Variants in CORO2B observed in about 807,000 individuals in gnomAD.
CORO2B encodes coronin-2B.
Under a neutral mutation model 58.8 loss-of-function variants are expected in CORO2B, and 26 were observed. The observed-to-expected ratio is 0.44, with a 90% CI of 0.32 to 0.61. CORO2B has a LOEUF of 0.61. CORO2B is among the 20% of genes least tolerant of loss of function. The pLI is 0.04. For synonymous variants in CORO2B, 242 were observed against 253.8 expected, an observed-to-expected ratio of 0.95 and a Z score of 0.44; for missense variants, 460 against 645.1, an observed-to-expected ratio of 0.71 and a Z score of 3.11.
chr15:68,523,389 G>T, the CORO2B span, among the ~76,000 whole-genome samples: 1 of 151,956 alleles, frequency 6.6e-6, no homozygotes, highest in East Asian at 1.9e-4. Context: ...AGAGATGGGG[G>T]TCTCCCTATG....
At chr15:68,553,593 T>C in the CORO2B span, among the ~76,000 whole-genome samples, 1 of 152,232 alleles carries the variant, frequency 6.6e-6, no homozygotes, top group Non-Finnish European at 1.5e-5. Context: ...GAGAGTAAGT[T>C]TGTGCTATTT....
chr15:68,605,779 G>A (rs951867205), intron 1 of CORO2B, among the ~76,000 whole-genome samples: 4 of 142,200 alleles, frequency 2.8e-5, no homozygotes, highest in Non-Finnish European at 6.0e-5. Flanking sequence ...CGGGAGTGCA[G>A]TGGCGCAATA....
chr15:68,582,624 C>T (rs1351121720), intron 1 of CORO2B, among the ~76,000 whole-genome samples: 1 of 152,206 alleles, frequency 6.6e-6, no homozygotes, highest in Non-Finnish European at 1.5e-5. Context: ...ACTGGAAAAG[C>T]AGAGGACAAG....
chr15:68,659,242 G>T (rs1433941818), intron 2 of CORO2B, among the ~76,000 whole-genome samples: 1 of 152,108 alleles, frequency 6.6e-6, no homozygotes, highest in African/African-American at 2.4e-5. Context: ...GAGTGTGAGG[G>T]ATAAGGGCGC....
chr15:68,638,450 G>A (rs1901105479), intron 1 of CORO2B, among the ~76,000 whole-genome samples: 1 of 152,172 alleles, frequency 6.6e-6, no homozygotes, highest in African/African-American at 2.4e-5. Context: ...ATTCAGACAG[G>A]TTGAGTAGGT....
intron 2 of CORO2B, among the ~76,000 whole-genome samples, chr15:68,660,976 C>CTTTT (rs57270255): frequency 6.8e-5 from 10 of 147,216 alleles, no homozygotes; most frequent in African/African-American, 1.5e-4. Context: ...TGTAATGAGT[C>CTTTT]TTTTTTTTTT....
intron 1 of CORO2B, among the ~76,000 whole-genome samples, chr15:68,586,035 G>A (rs1566978103): frequency 6.6e-6 from 1 of 152,158 alleles, no homozygotes; most frequent in Non-Finnish European, 1.5e-5. Context: ...ATGATTTGGG[G>A]TTCCACTGGC....
intron 1 of CORO2B, among the ~76,000 whole-genome samples, chr15:68,600,646 G>C (rs1899957233): frequency 6.6e-6 from 1 of 152,210 alleles, no homozygotes; most frequent in African/African-American, 2.4e-5. Flanking sequence ...ATGACCATGG[G>C]TGCCGACCAG....
At chr15:68,643,006 C>T (rs1406888253) in intron 1 of CORO2B, among the ~76,000 whole-genome samples, 5 of 152,216 alleles carry the variant, frequency 3.3e-5, no homozygotes, top group Non-Finnish European at 5.9e-5. Flanking sequence ...CCAGGTCCAC[C>T]AACCACCCAT....
chr15:68,554,774 G>T, the CORO2B span, among the ~76,000 whole-genome samples: 1 of 152,232 alleles, frequency 6.6e-6, no homozygotes, highest in Non-Finnish European at 1.5e-5. Flanking sequence ...AAAGTCCCAT[G>T]ACTAGGAAGG....
chr15:68,648,519 G>A (rs1300110465), intron 2 of CORO2B, among the ~76,000 whole-genome samples: 7 of 149,474 alleles, frequency 4.7e-5, no homozygotes, highest in African/African-American at 7.4e-5. Flanking sequence ...GTCTGGTGGC[G>A]GGCGCCTGTA....
chr15:68,602,450 C>T (rs1174684195), intron 1 of CORO2B, among the ~76,000 whole-genome samples: 5 of 150,428 alleles, frequency 3.3e-5, no homozygotes, highest in Admixed American at 6.6e-5. Flanking sequence ...CACACACACA[C>T]GTTTTACCTA....
At chr15:68,619,908 TG>T (rs1338873946) in intron 1 of CORO2B, among the ~76,000 whole-genome samples, 1 of 151,928 alleles carries the variant, frequency 6.6e-6, no homozygotes, top group African/African-American at 2.4e-5. Flanking sequence ...AGTGGAGTCA[TG>T]TTTTTTTTAT....
chr15:68,621,131 G>A (rs183500484), intron 1 of CORO2B, among the ~76,000 whole-genome samples: 40 of 152,328 alleles, frequency 2.6e-4, no homozygotes, highest in South Asian at 1.9e-3. Flanking sequence ...CCCTGCCAGT[G>A]CAGGTGTAGG....
chr15:68,603,125 G>A (rs1297105305), intron 1 of CORO2B, among the ~76,000 whole-genome samples: 2 of 152,192 alleles, frequency 1.3e-5, no homozygotes, highest in Non-Finnish European at 2.9e-5. Flanking sequence ...GACAGATGGA[G>A]AGAGAAGTGG....
rs1893293738 is a variant in CORO2B, at chr15:68,726,145, T to C, written c.*171T>C. ...GAAGCCAACCTCTAACCTCCTGACCTCATGCTAATAAAAGTCCCCAGCTTC... is the reference window on the plus strand; with the variant it reads ...GAAGCCAACCTCTAACCTCCTGACCCCATGCTAATAAAAGTCCCCAGCTTC... On this transcript the variant is annotated 3_prime_UTR_variant, in exon 12 of 12. Coordinates refer to ENST00000261861, the MANE Select transcript of CORO2B (RefSeq NM_006091.5). The C allele has an allele frequency of 1.2e-6, 1 of 809,536 alleles. No individual in the cohort carries two copies. The highest frequency in any genetic ancestry group is 1.7e-5 in the South Asian group (1 of 60,180). 50.1% of individuals were successfully genotyped at this position (809,536 alleles called of 1,614,324 possible). A position where few individuals can be genotyped will look rare whatever the true frequency, so the allele number is the denominator to read the frequency against.
chr15:68,706,804 G>A (rs1892796487), intron 3 of CORO2B, among the ~76,000 whole-genome samples: 1 of 152,012 alleles, frequency 6.6e-6, no homozygotes, highest in South Asian at 2.1e-4. Flanking sequence ...CGTCTTCCTG[G>A]GCTCAAGCGA....
chr15:68,688,701 G>A (rs1031723411), intron 2 of CORO2B, among the ~76,000 whole-genome samples: 1 of 152,244 alleles, frequency 6.6e-6, no homozygotes. Flanking sequence ...TGGGTGTACT[G>A]TAATTTATTT....
Position 68,725,846 on chromosome 15 carries a change from C to T in CORO2B, c.1315C>T (p.Leu439Phe). ...NVPPRTENEL[L>F]RMFFRQQDEI... The stretch of plus-strand genomic sequence containing the variant: ...CCCCTCTCTTCCTCCACCCCAGCTC[C>T]TTCGAATGTTCTTCCGGCAGCAGGA... Residue 439 changes from leucine (L) to phenylalanine (F), a missense_variant, in exon 12 of 12, where the codon CTT becomes TTT. Leu to Phe is a conservative substitution (Grantham distance 22). This residue lies in a region of CORO2B where 108 missense variants were observed against 102.1 expected (regional missense o/e 1.06). Transcript: ENST00000261861. The T allele has an allele frequency of 6.2e-7, 1 of 1,613,798 alleles. No homozygotes were observed. The highest frequency in any genetic ancestry group is 8.5e-7 in the Non-Finnish European group (1 of 1,180,014).
Sources: allele counts gnomAD v4.1 joint callset (sites outside exome capture counted in the v4.1 genomes callset), GRCh38; gene constraint gnomAD v4.1.1; regional missense constraint gnomAD v4.1.1; transcripts MANE v1.5; gene names NCBI Gene and HGNC (gene_info 2026-07-23, HGNC 2026-07-21).